Variants in GNA14 observed in about 807,000 individuals in gnomAD.
GNA14 encodes the protein G protein subunit alpha 14, also known as guanine nucleotide-binding protein subunit alpha-14.
Under a neutral mutation model 42.0 loss-of-function variants are expected in GNA14, and 50 were observed. The ratio of observed to expected loss-of-function variants is 1.19; its 90% CI spans 0.95 to 1.51. GNA14 has a LOEUF of 1.51. GNA14 is among the 40% of genes most tolerant of loss of function. The pLI, the probability that GNA14 is intolerant of heterozygous loss-of-function variation, is 0.00. For synonymous variants in GNA14, 173 were observed against 163.1 expected, an observed-to-expected ratio of 1.06 and a Z score of -0.46; for missense variants, 473 against 446.2, an observed-to-expected ratio of 1.06 and a Z score of -0.54.
At chr9:77,587,953 A>C (rs1227161685) in intron 1 of GNA14, among the ~76,000 whole-genome samples, 2 of 152,254 alleles carry the variant, frequency 1.3e-5, no homozygotes, top group Middle Eastern at 6.8e-3. Flanking sequence ...TGGCTACTAA[A>C]GGCCATCTGC....
At chr9:77,552,022 C>A (rs972091224) in intron 1 of GNA14, among the ~76,000 whole-genome samples, 1 of 150,884 alleles carries the variant, frequency 6.6e-6, no homozygotes, top group Non-Finnish European at 1.5e-5. Flanking sequence ...CACTGGTAAT[C>A]CCAGCTATTT....
At chr9:77,636,620 G>A (rs1445053909) in intron 1 of GNA14, among the ~76,000 whole-genome samples, 1 of 151,016 alleles carries the variant, frequency 6.6e-6, no homozygotes, top group East Asian at 1.9e-4. Flanking sequence ...GAGAGCTGGT[G>A]TGTGTAGAGA....
Position 77,507,189 on chromosome 9 carries a change from C to G in GNA14, c.309+21880G>C, listed in dbSNP as rs746362502. Among the ~76,000 whole-genome samples, 148 of 152,312 alleles carry G rather than the reference C, an allele frequency of 9.7e-4. 2 individuals are homozygous for G. The highest frequency in any genetic ancestry group is 7.8e-4 in the Non-Finnish European group (53 of 68,026). ...TGCCTTTGCCTCCATCTCACCATCT[C>G]TTTTAAAAGTCAGAACACTTCAGAG... On this transcript the variant is annotated intron_variant, in intron 2 of 6. Coordinates refer to ENST00000341700, the MANE Select transcript of GNA14 (RefSeq NM_004297.4).
chr9:77,548,956 T>C (rs547508654), intron 1 of GNA14, among the ~76,000 whole-genome samples: 19 of 152,322 alleles, frequency 1.2e-4, no homozygotes, highest in Admixed American at 9.8e-4. Flanking sequence ...TCTTTTTTTT[T>C]CTAAGACAGA....
At chr9:77,639,508 C>A (rs531896401) in intron 1 of GNA14, among the ~76,000 whole-genome samples, 3 of 152,222 alleles carry the variant, frequency 2.0e-5, no homozygotes, top group African/African-American at 4.8e-5. Context: ...CTGCCTCCCC[C>A]CAACAACCTG....
intron 1 of GNA14, among the ~76,000 whole-genome samples, chr9:77,556,934 G>T (rs922204036): frequency 7.9e-5 from 12 of 152,140 alleles, no homozygotes; most frequent in African/African-American, 2.7e-4. Flanking sequence ...TTTACATTTA[G>T]AAGTTACAAA....
At chr9:77,570,692 T>A (rs558340862) in intron 1 of GNA14, among the ~76,000 whole-genome samples, 57 of 152,346 alleles carry the variant, frequency 3.7e-4, no homozygotes, top group African/African-American at 1.3e-3. Context: ...ATAATGCTGC[T>A]ATGCACATTC....
intron 1 of GNA14, among the ~76,000 whole-genome samples, chr9:77,608,116 T>C (rs1202263852): frequency 6.6e-6 from 1 of 152,168 alleles, no homozygotes; most frequent in African/African-American, 2.4e-5. Flanking sequence ...GCTGCTACCT[T>C]AATGGGGACA....
At chr9:77,545,326 T>A (rs1035046058) in intron 1 of GNA14, among the ~76,000 whole-genome samples, 3 of 152,208 alleles carry the variant, frequency 2.0e-5, no homozygotes, top group African/African-American at 7.2e-5. Context: ...GGAATTCCAA[T>A]ACTGTAGGTC....
At chr9:77,470,373 G>C (rs1487422483) in intron 2 of GNA14, among the ~76,000 whole-genome samples, 1 of 152,158 alleles carries the variant, frequency 6.6e-6, no homozygotes, top group Non-Finnish European at 1.5e-5. Flanking sequence ...GATAAATAAA[G>C]GTGACTATAA....
At chr9:77,614,188 G>C (rs1823774541) in intron 1 of GNA14, among the ~76,000 whole-genome samples, 1 of 152,080 alleles carries the variant, frequency 6.6e-6, no homozygotes, top group Non-Finnish European at 1.5e-5. Context: ...TTGTAGCTCT[G>C]CCTTCTCTAA....
chr9:77,584,047 G>T (rs1304706636), intron 1 of GNA14, among the ~76,000 whole-genome samples: 1 of 152,172 alleles, frequency 6.6e-6, no homozygotes, highest in African/African-American at 2.4e-5. Context: ...CCTCCCAACA[G>T]AGAATGTGTG....
At chr9:77,459,240 A>G (rs1255920200) in intron 2 of GNA14, among the ~76,000 whole-genome samples, 2 of 107,880 alleles carry the variant, frequency 1.9e-5, no homozygotes, top group Non-Finnish European at 3.5e-5. Flanking sequence ...AGTCTCAGGG[A>G]AAAAAAAGAA....
intron 2 of GNA14, among the ~76,000 whole-genome samples, chr9:77,465,405 TCTC>T (rs1251148910): frequency 3.3e-5 from 5 of 152,244 alleles, no homozygotes; most frequent in Non-Finnish European, 5.9e-5. Context: ...CATTTATTTA[TCTC>T]CTCCTTCGTT....
chr9:77,538,365 C>T (rs954475320), intron 1 of GNA14, among the ~76,000 whole-genome samples: 5 of 152,154 alleles, frequency 3.3e-5, no homozygotes, highest in Non-Finnish European at 5.9e-5. Flanking sequence ...TGAGGCATCG[C>T]TTCTGACCTG....
chr9:77,515,617 T>C (rs1025210483), intron 2 of GNA14, among the ~76,000 whole-genome samples: 4 of 152,128 alleles, frequency 2.6e-5, no homozygotes, highest in Non-Finnish European at 4.4e-5. Flanking sequence ...ATTGCCTTTG[T>C]CTGAGAGCTG....
At chr9:77,488,365 A>T (rs1183640642) in intron 2 of GNA14, among the ~76,000 whole-genome samples, 1 of 152,182 alleles carries the variant, frequency 6.6e-6, no homozygotes, top group African/African-American at 2.4e-5. Flanking sequence ...GTTCCCTGGC[A>T]GGAGACCTGT....
At chr9:77,451,801 T>C (rs1014032624) in intron 2 of GNA14, among the ~76,000 whole-genome samples, 2 of 152,318 alleles carry the variant, frequency 1.3e-5, no homozygotes, top group East Asian at 3.9e-4. Flanking sequence ...TAAGGAAACC[T>C]GTTGGGGTCA....
chr9:77,475,236 C>T (rs1012893664), intron 2 of GNA14, among the ~76,000 whole-genome samples: 10 of 152,170 alleles, frequency 6.6e-5, no homozygotes, highest in African/African-American at 2.4e-4. Flanking sequence ...TATAAACCCT[C>T]TTCTCCAGTG....
Sources: gnomAD v4.1 joint callset for allele counts (sites outside exome capture counted in the v4.1 genomes callset) on GRCh38, gnomAD v4.1.1 for gene constraint, MANE v1.5 for transcripts, NCBI Gene and HGNC (gene_info 2026-07-23, HGNC 2026-07-21) for gene names.